The following XKR9 variants were observed in gnomAD, a reference collection of about 807,000 sequenced individuals.
XKR9 encodes XK related 9.
A neutral mutation model predicts 32.0 loss-of-function variants in XKR9; 32 were observed. The observed-to-expected ratio is 1.00, with a 90% CI of 0.76 to 1.34. XKR9 has a LOEUF of 1.34. XKR9 is among the 40% of genes most tolerant of loss of function. The pLI is 0.00. For synonymous variants in XKR9, 168 were observed against 143.4 expected (o/e 1.17, Z -1.22); for missense variants, 546 against 429.7 (o/e 1.27, Z -2.39).
intron 2 of XKR9, among the ~76,000 whole-genome samples, chr8:70,779,164 G>A (rs1482556528): frequency 1.3e-5 from 2 of 152,168 alleles, no homozygotes; most frequent in Non-Finnish European, 2.9e-5. Flanking sequence ...ATGAATGACT[G>A]TTGAATTTTG....
chr8:70,760,836 G>GTTT (rs1807299125), intron 2 of XKR9, among the ~76,000 whole-genome samples: 1 of 152,132 alleles, frequency 6.6e-6, no homozygotes, highest in Non-Finnish European at 1.5e-5. Flanking sequence ...GTATCCATTG[G>GTTT]TTATTTTTCC....
At chr8:70,912,494 C>T in the XKR9 span, among the ~76,000 whole-genome samples, 15 of 151,980 alleles carry the variant, frequency 9.9e-5, no homozygotes, top group Admixed American at 6.6e-4. Flanking sequence ...AAGTATCTGC[C>T]ATGGTTAACT....
the XKR9 span, among the ~76,000 whole-genome samples, chr8:70,977,553 G>A: frequency 2.2e-4 from 33 of 152,204 alleles, no homozygotes; most frequent in African/African-American, 7.7e-4. Flanking sequence ...TTTTGAGTGA[G>A]TTTCTTAATC....
At chr8:71,007,045 G>C in the XKR9 span, among the ~76,000 whole-genome samples, 1 of 152,196 alleles carries the variant, frequency 6.6e-6, no homozygotes, top group Non-Finnish European at 1.5e-5. Flanking sequence ...TTTACTCTGA[G>C]AGTCCTCCCT....
chr8:71,004,496 T>G, the XKR9 span, among the ~76,000 whole-genome samples: 1 of 152,328 alleles, frequency 6.6e-6, no homozygotes, highest in African/African-American at 2.4e-5. Flanking sequence ...GGTGCTGCCT[T>G]CAAAAGGCTT....
At chr8:70,797,277 A>C in the XKR9 span, among the ~76,000 whole-genome samples, 1 of 152,100 alleles carries the variant, frequency 6.6e-6, no homozygotes, top group Non-Finnish European at 1.5e-5. Context: ...CACCTGGCTG[A>C]GAGTACCTGG....
intron 2 of XKR9, among the ~76,000 whole-genome samples, chr8:70,741,003 C>T (rs144712524): frequency 3.3e-5 from 5 of 152,244 alleles, no homozygotes; most frequent in Non-Finnish European, 5.9e-5. Flanking sequence ...CAAAAGCTGT[C>T]AGACAGGGAC....
At chr8:70,765,668 G>A (rs1433279628) in intron 2 of XKR9, among the ~76,000 whole-genome samples, 2 of 152,178 alleles carry the variant, frequency 1.3e-5, no homozygotes, top group East Asian at 3.8e-4. Flanking sequence ...TTTTAGTCAT[G>A]AAGTCGTTGC....
intron 2 of XKR9, among the ~76,000 whole-genome samples, chr8:70,756,013 A>G (rs957388595): frequency 1.3e-5 from 2 of 152,214 alleles, no homozygotes; most frequent in Non-Finnish European, 2.9e-5. Context: ...CATTAGATTT[A>G]CATTTAGGTC....
At chr8:70,794,105 G>A (rs1484917529), downstream of XKR9, among the ~76,000 whole-genome samples, 1 of 151,828 alleles carries the variant, frequency 6.6e-6, no homozygotes, top group Non-Finnish European at 1.5e-5. Flanking sequence ...TTTTATTTTT[G>A]TTTGATGCCT....
chr8:70,958,650 T>G, the XKR9 span, among the ~76,000 whole-genome samples: 1 of 152,242 alleles, frequency 6.6e-6, no homozygotes, highest in African/African-American at 2.4e-5. Context: ...AGGTTGTCTG[T>G]TCACTCTAAT....
At chr8:71,017,485 G>T in the XKR9 span, among the ~76,000 whole-genome samples, 1 of 152,122 alleles carries the variant, frequency 6.6e-6, no homozygotes, top group Admixed American at 6.5e-5. Flanking sequence ...GGGATGGAAG[G>T]TATGATGGAG....
the XKR9 span, among the ~76,000 whole-genome samples, chr8:70,875,724 A>G: frequency 6.6e-6 from 1 of 152,184 alleles, no homozygotes; most frequent in Admixed American, 6.5e-5. Flanking sequence ...GGAATTATTA[A>G]ATGAAGTTTC....
At chr8:71,007,755 A>G in the XKR9 span, among the ~76,000 whole-genome samples, 16 of 152,216 alleles carry the variant, frequency 1.1e-4, no homozygotes, top group African/African-American at 3.1e-4. Context: ...GTGTGTGACT[A>G]TCTCTGGGTA....
the XKR9 span, among the ~76,000 whole-genome samples, chr8:70,939,896 T>C: frequency 1.3e-5 from 2 of 152,146 alleles, no homozygotes; most frequent in South Asian, 4.1e-4. Context: ...TTCATGTGTA[T>C]ATATTAATTT....
At chr8:70,779,142 A>G (rs1330689458) in intron 2 of XKR9, among the ~76,000 whole-genome samples, 1 of 152,122 alleles carries the variant, frequency 6.6e-6, no homozygotes, top group Non-Finnish European at 1.5e-5. Context: ...TAGTTTACTG[A>G]GAGTTTTTGG....
the XKR9 span, among the ~76,000 whole-genome samples, chr8:70,927,329 G>A: frequency 2.0e-5 from 3 of 152,094 alleles, no homozygotes; most frequent in Non-Finnish European, 4.4e-5. Flanking sequence ...TGGATGCCGG[G>A]CAGCTAAGTC....
chr8:70,722,663 C>A (rs1013544514), intron 4 of XKR9, among the ~76,000 whole-genome samples: 1 of 152,142 alleles, frequency 6.6e-6, no homozygotes. Context: ...GCAGAGAGAT[C>A]TGTTGTTAGT....
At chr8:70,813,517 G>A in the XKR9 span, among the ~76,000 whole-genome samples, 4 of 151,988 alleles carry the variant, frequency 2.6e-5, no homozygotes, top group Non-Finnish European at 5.9e-5. Flanking sequence ...CTACAAAATG[G>A]GAGAAAATTT....
Sources: gnomAD v4.1 joint callset for allele counts (sites outside exome capture counted in the v4.1 genomes callset) on GRCh38, gnomAD v4.1.1 for gene constraint, MANE v1.5 for transcripts, NCBI Gene and HGNC (gene_info 2026-07-23, HGNC 2026-07-21) for gene names.